PLAGL1: variants seen among roughly 807,000 people sequenced by gnomAD.
PLAGL1 encodes the protein PLAG1 like zinc finger 1.
A neutral mutation model predicts 4.6 loss-of-function variants in PLAGL1; 1 was observed. The observed-to-expected ratio is 0.22, with a 90% CI of 0.08 to 1.03. PLAGL1 has a LOEUF of 1.03. PLAGL1 is among the 50% of genes least tolerant of loss of function. PLAGL1 has a pLI of 0.58. For missense variants in PLAGL1, 464 were observed against 570.4 expected, an observed-to-expected ratio of 0.81 and a Z score of 1.90; for synonymous variants, 240 against 237.8, an observed-to-expected ratio of 1.01 and a Z score of -0.08.
At position 144,029,640 on chromosome 6, in the gene PLAGL1, A is replaced by G. The variant is rs184369262; in HGVS notation, c.-151+34828T>C. On this transcript the variant is annotated intron_variant, in intron 1 of 3. Coordinates refer to the PLAGL1 transcript ENST00000437412. ...CAATGATTCAAAAATCTTAACACAT[A>G]CTATGCTGTCAAGCATTTGGAGAAA... 2.6e-5 allele frequency among the ~76,000 whole-genome samples: 4 copies of G among 152,350 alleles called. No homozygotes were observed. In the East Asian group the frequency reaches 5.8e-4, roughly 22 times the overall value.
intron 1 of PLAGL1, among the ~76,000 whole-genome samples, chr6:144,054,776 A>AGTGTGTGTGTGTGTGTGTGTGT (rs55975441): frequency 7.0e-5 from 10 of 142,286 alleles, no homozygotes; most frequent in South Asian, 2.3e-4. Flanking sequence ...ACTAAAAAAG[A>AGTGTGTGTGTGTGTGTGTGTGT]GTGTGTGTGT....
At chr6:144,017,842 T>A (rs905836064) in intron 1 of PLAGL1, among the ~76,000 whole-genome samples, 1 of 152,144 alleles carries the variant, frequency 6.6e-6, no homozygotes, top group Non-Finnish European at 1.5e-5. Flanking sequence ...TCTTCCTGGT[T>A]TCTCACTCTC....
At chr6:144,019,098 C>A (rs186699449) in intron 1 of PLAGL1, among the ~76,000 whole-genome samples, 121 of 152,188 alleles carry the variant, frequency 8.0e-4, no homozygotes, top group East Asian at 9.6e-4. Flanking sequence ...TAAAGACAAA[C>A]GCTGAGATTC....
At chr6:144,014,618 C>T (rs549244474) in intron 1 of PLAGL1, among the ~76,000 whole-genome samples, 51 of 152,136 alleles carry the variant, frequency 3.4e-4, no homozygotes, top group African/African-American at 1.1e-3. Context: ...CTGGCTCTGT[C>T]GCCCAGGCTG....
rs899220533 is a variant in PLAGL1 at position 143,984,393 on chromosome 6, C to A, written c.-544+742G>T. Among the ~76,000 whole-genome samples, 1 of 152,142 alleles carries A rather than the reference C, an allele frequency of 6.6e-6. No individual in the cohort carries two copies. Among genetic ancestry groups the A allele is most frequent in the African/African-American group, 2.4e-5 (1 of 41,436 alleles). ...TCGATAATCACTTGTTGGAAACAAA[C>A]AAGTCTAATTTGATTTTAACTCAGC... On this transcript the variant is annotated intron_variant, in intron 2 of 7. Coordinates refer to ENST00000674357, the MANE Select transcript of PLAGL1 (RefSeq NM_001317162.2). The surrounding 1 kb of genome is among the most constrained non-coding windows in gnomAD (Gnocchi z 5.5).
At chr6:144,041,992 T>C (rs550831866) in intron 1 of PLAGL1, among the ~76,000 whole-genome samples, 1 of 152,234 alleles carries the variant, frequency 6.6e-6, no homozygotes, top group Non-Finnish European at 1.5e-5. Flanking sequence ...TTTTGAGAAG[T>C]ATCTGTTCAT....
chr6:143,950,599 T>C lies in PLAGL1; in HGVS notation c.-324-2139A>G, dbSNP rs1172262190. Among the ~76,000 whole-genome samples the C allele has an allele frequency of 6.6e-6, 1 of 152,224 alleles. No individual in the cohort carries two copies. The highest frequency in any genetic ancestry group is 2.4e-5 in the African/African-American group (1 of 41,468). On this transcript the variant is annotated intron_variant, in intron 6 of 7. Transcript: ENST00000674357. The surrounding 1 kb of genome is among the most constrained non-coding windows in gnomAD (Gnocchi z 6.3). ...AGAGTATGAAGTTTGAAAATGCATC[T>C]TTTTCTCATTCCCTTTATAGCTGAA...
intron 1 of PLAGL1, among the ~76,000 whole-genome samples, chr6:144,018,146 G>C (rs1412909354): frequency 6.6e-6 from 1 of 152,110 alleles, no homozygotes; most frequent in East Asian, 1.9e-4. Context: ...AACTACTTCG[G>C]GGAACATTGA....
chr6:143,993,682 T>G (rs1417472735), intron 1 of PLAGL1, among the ~76,000 whole-genome samples: 2 of 152,220 alleles, frequency 1.3e-5, no homozygotes, highest in African/African-American at 4.8e-5. Flanking sequence ...TAGATCAGAT[T>G]AAAAGTAAAG....
intron 1 of PLAGL1, among the ~76,000 whole-genome samples, chr6:144,020,027 G>A (rs1795856279): frequency 6.6e-6 from 1 of 151,984 alleles, no homozygotes. Flanking sequence ...GGGGTCTTTG[G>A]GAGGTAATTA....
chr6:144,025,748 C>G (rs2128702629), intron 1 of PLAGL1, among the ~76,000 whole-genome samples: 1 of 152,012 alleles, frequency 6.6e-6, no homozygotes, highest in Non-Finnish European at 1.5e-5. Context: ...AAAAAATTAG[C>G]TGGGTGTGGT....
intron 1 of PLAGL1, among the ~76,000 whole-genome samples, chr6:144,054,776 A>AGTGTGTGTGTGTGTGTGTGT (rs55975441): frequency 1.7e-4 from 24 of 142,286 alleles, no homozygotes; most frequent in Non-Finnish European, 3.2e-4. Flanking sequence ...ACTAAAAAAG[A>AGTGTGTGTGTGTGTGTGTGT]GTGTGTGTGT....
chr6:143,991,665 A>G (rs1790501701), intron 1 of PLAGL1, among the ~76,000 whole-genome samples: 1 of 152,198 alleles, frequency 6.6e-6, no homozygotes, highest in Non-Finnish European at 1.5e-5. Context: ...CCAAAGGCCT[A>G]AGGGGAAGGT....
intron 1 of PLAGL1, among the ~76,000 whole-genome samples, chr6:144,046,534 A>G (rs748840759): frequency 1.2e-4 from 18 of 152,070 alleles, no homozygotes; most frequent in Admixed American, 6.6e-5. Flanking sequence ...AAGAGCAAAT[A>G]TTCCTGGCTG....
chr6:144,049,128 AC>A (rs1798398687), intron 1 of PLAGL1, among the ~76,000 whole-genome samples: 1 of 151,396 alleles, frequency 6.6e-6, no homozygotes, highest in Non-Finnish European at 1.5e-5. Flanking sequence ...AGCAAATGTG[AC>A]CTTTGCTCCA....
rs1040094508 is a variant in PLAGL1 at position 144,034,097 on chromosome 6, CT to C, written c.-151+30370del. The stretch of plus-strand genomic sequence containing the variant: ...CTGCAGACTTCAATTTTCCTGGAGT[CT>C]TTTATACTGTTAATTACATCTCCAT... On this transcript the variant is annotated intron_variant, in intron 1 of 3. Coordinates refer to the PLAGL1 transcript ENST00000437412. This position sits in a 1 kb window ranked among gnomAD's most constrained non-coding sequence, Gnocchi z 4.7. Among the ~76,000 whole-genome samples the C allele has an allele frequency of 1.6e-4, 25 of 152,186 alleles. No homozygotes were observed. The highest frequency in any genetic ancestry group is 5.8e-4 in the African/African-American group (24 of 41,444).
intron 1 of PLAGL1, among the ~76,000 whole-genome samples, chr6:144,001,912 T>G (rs1792982825): frequency 6.6e-6 from 1 of 152,050 alleles, no homozygotes; most frequent in South Asian, 2.1e-4. Context: ...TATGAAAGAC[T>G]GAGAAACTGT....
chr6:144,047,502 G>A (rs1156281147), intron 1 of PLAGL1, among the ~76,000 whole-genome samples: 2 of 152,128 alleles, frequency 1.3e-5, no homozygotes, highest in East Asian at 3.9e-4. Flanking sequence ...ATGGCTGGGA[G>A]GCCTCAGGAA....
At chr6:144,007,527 C>A (rs1165502237) in intron 1 of PLAGL1, 1 of 152,270 alleles carries the variant, frequency 6.6e-6, no homozygotes. Context: ...AGGTAGAAAT[C>A]CCCATTCCGC....
Sources: gnomAD v4.1 joint callset for allele counts (sites outside exome capture counted in the v4.1 genomes callset) on GRCh38, gnomAD v4.1.1 for gene constraint, Gnocchi (gnomAD v3.1) non-coding constraint, MANE v1.5 for transcripts, NCBI Gene and HGNC (gene_info 2026-07-23, HGNC 2026-07-21) for gene names.